The following GATM variants were observed in gnomAD, a reference collection of about 807,000 sequenced individuals.
GATM encodes glycine amidinotransferase, mitochondrial.
Under a neutral mutation model 54.2 loss-of-function variants are expected in GATM, and 23 were observed. That is an observed-to-expected ratio of 0.42 (90% CI 0.31 to 0.60). GATM has a LOEUF of 0.60. Ranked by LOEUF, GATM falls within the 20% of genes least tolerant of loss-of-function variation. GATM has a pLI of 0.14. For synonymous variants in GATM, 168 were observed against 183.1 expected (o/e 0.92, Z 0.67); for missense variants, 401 against 544.9 (o/e 0.74, Z 2.63).
intron 2 of GATM, among the ~76,000 whole-genome samples, chr15:45,373,647 A>G (rs532389026): frequency 3.3e-5 from 5 of 152,270 alleles, no homozygotes; most frequent in Admixed American, 2.0e-4. Context: ...TCTAGTACTT[A>G]TATCTTCCAA....
Position 45,362,013 on chromosome 15 carries a change from A to T in GATM, c.*96T>A, listed in dbSNP as rs1280302485. 6.5e-6 allele frequency: 5 copies of T among 771,142 alleles called. No individual in the cohort carries two copies. Among genetic ancestry groups the T allele is most frequent in the Non-Finnish European group, 1.2e-5 (5 of 428,700 alleles). 47.8% of individuals were successfully genotyped at this position (771,142 alleles called of 1,614,324 possible). On this transcript the variant is annotated 3_prime_UTR_variant, in exon 9 of 9. Transcript: ENST00000396659. ...TGTTAAGGAGATGATTGTTTAAAGC[A>T]CTACAGTTCATGCACTTTTTAAAGC... is the stretch of plus-strand genomic sequence containing the variant.
At chr15:45,402,213 C>A in exon 1 of GATM, 1 of 629,960 alleles carries the variant, frequency 1.6e-6, no homozygotes, top group Admixed American at 3.9e-5. Flanking sequence ...TTAGGCAACT[C>A]GATTTCACGA....
At position 45,369,696 on chromosome 15, in the gene GATM, T is replaced by TA. The variant is rs58836959; in HGVS notation, c.289-176dup. 72,778 of 643,732 alleles carry TA rather than the reference T, an allele frequency of 0.11. 4,574 individuals are homozygous for TA. The highest frequency in any genetic ancestry group is 0.2 in the Middle Eastern group (485 of 2,482). 39.9% of individuals were successfully genotyped at this position (643,732 alleles called of 1,614,324 possible). A position where few individuals can be genotyped will look rare whatever the true frequency, so the allele number is the denominator to read the frequency against. On this transcript the variant is annotated intron_variant, in intron 2 of 8. Transcript: ENST00000396659. ...ATAAGCCCTCTGGGCAGACACTCAG[T>TA]ATCTGTTGAATGAAGAACTCTAAAA...
intron 8 of GATM, among the ~76,000 whole-genome samples, chr15:45,362,925 C>A (rs1382751497): frequency 6.6e-6 from 1 of 152,122 alleles, no homozygotes; most frequent in Non-Finnish European, 1.5e-5. Flanking sequence ...GGAGGATAGG[C>A]TACAAAGTCA....
chr15:45,364,655 C>G, intron 7 of GATM, 142 bp downstream of exon 7: 1 of 744,370 alleles, frequency 1.3e-6, no homozygotes. Flanking sequence ...TTCTGATGCT[C>G]ACAGTCCCAA....
chr15:45,377,039 A>T (rs1486102870), intron 1 of GATM: 1 of 585,304 alleles, frequency 1.7e-6, no homozygotes, highest in Non-Finnish European at 3.1e-6. Context: ...TTATCTATTA[A>T]TTGCTGTAAC....
chr15:45,396,004 A>G (rs1889924371), intron 3 of GATM, among the ~76,000 whole-genome samples: 1 of 152,178 alleles, frequency 6.6e-6, no homozygotes, highest in Non-Finnish European at 1.5e-5. Flanking sequence ...GAAGAGCAAG[A>G]CTCATTTTCT....
chr15:45,374,298 A>G (rs1181657013), intron 2 of GATM, among the ~76,000 whole-genome samples: 1 of 152,208 alleles, frequency 6.6e-6, no homozygotes. Flanking sequence ...GTCATAAATC[A>G]AGTGACAAAG....
At position 45,376,775 on chromosome 15, in the gene GATM, G is replaced by A. The variant is rs1555384721; in HGVS notation, c.114C>T (p.Ser38=). Residue 38 remains serine (S), a synonymous_variant, in exon 2 of 9, where the codon AGC becomes AGT. Transcript: ENST00000396659. ...GGGAGGAAGCCGTAGCTGCCTGGGTGCTCTGGAAAGTTCGCTGCACCCATC... is the reference window on the plus strand; with the variant it reads ...GGGAGGAAGCCGTAGCTGCCTGGGTACTCTGGAAAGTTCGCTGCACCCATC... ...LTGWVQRTFQ[S]TQAATASSRN... 1 of 1,614,170 alleles carries A rather than the reference G, an allele frequency of 6.2e-7. No homozygotes were observed. The highest frequency in any genetic ancestry group is 8.5e-7 in the Non-Finnish European group (1 of 1,180,032).
chr15:45,384,858 A>G (rs1023996018), intron 3 of GATM, among the ~76,000 whole-genome samples: 2 of 152,114 alleles, frequency 1.3e-5, no homozygotes, highest in African/African-American at 4.8e-5. Context: ...ACAGATATGC[A>G]TCACTGCCTG....
intron 3 of GATM, among the ~76,000 whole-genome samples, chr15:45,384,898 A>G (rs925920246): frequency 6.6e-6 from 1 of 152,096 alleles, no homozygotes; most frequent in Admixed American, 6.5e-5. Context: ...TGTAGAGATG[A>G]GGTCATACTA....
At chr15:45,382,106 G>A (rs1889748543), upstream of GATM, among the ~76,000 whole-genome samples, 1 of 152,226 alleles carries the variant, frequency 6.6e-6, no homozygotes, top group African/African-American at 2.4e-5. Flanking sequence ...GGAAGCCTGA[G>A]TGGCCAACCT....
upstream of GATM, among the ~76,000 whole-genome samples, chr15:45,382,522 TGTGTTG>T (rs2140666830): frequency 6.6e-6 from 1 of 150,386 alleles, no homozygotes; most frequent in African/African-American, 2.4e-5. Context: ...ATTAGCCAGG[TGTGTTG>T]GTGCACACCT....
chr15:45,387,708 T>C (rs919212493), intron 3 of GATM, among the ~76,000 whole-genome samples: 4 of 152,242 alleles, frequency 2.6e-5, no homozygotes, highest in African/African-American at 9.6e-5. Context: ...CCCTTGGAAT[T>C]TGTACCTCAC....
intron 2 of GATM, among the ~76,000 whole-genome samples, chr15:45,372,169 A>G (rs1168856227): frequency 6.6e-6 from 1 of 152,212 alleles, no homozygotes; most frequent in African/African-American, 2.4e-5. Context: ...AGGCACATTC[A>G]TTTGTTTACG....
At position 45,364,837 on chromosome 15, in the gene GATM, T is replaced by G; in HGVS notation, c.1002A>C (p.Gly334=). Residue 334 remains glycine (G), a synonymous_variant, in exon 7 of 9, where the codon GGA becomes GGC. Transcript: ENST00000396659. The stretch of plus-strand genomic sequence containing the variant: ...GTGTTGGAGGAGTAATGATAGTCCA[T>G]CCTGCTTTCTTGAAAAGATCAATCT... ...CHQIDLFKKA[G]WTIITPPTPI... is the part of the protein sequence containing the mutation. The G allele has an allele frequency of 6.2e-7, 1 of 1,614,014 alleles. No homozygotes were observed. Among genetic ancestry groups the G allele is most frequent in the Non-Finnish European group, 8.5e-7 (1 of 1,179,944 alleles).
chr15:45,399,905 C>T (rs1159378680), intron 1 of GATM, among the ~76,000 whole-genome samples: 1 of 151,398 alleles, frequency 6.6e-6, no homozygotes, highest in Non-Finnish European at 1.5e-5. Context: ...GCAAAAGAGC[C>T]ACACAACTCC....
At chr15:45,380,806 A>G (rs1889730590), upstream of GATM, among the ~76,000 whole-genome samples, 1 of 152,140 alleles carries the variant, frequency 6.6e-6, no homozygotes, top group South Asian at 2.1e-4. Flanking sequence ...AAGTGTGTGG[A>G]TAGCGCCACC....
At chr15:45,369,563 A>T (rs1889505897) in intron 2 of GATM, 42 bp from the exon 3 acceptor site, 4 of 1,559,524 alleles carry the variant, frequency 2.6e-6, no homozygotes, top group Non-Finnish European at 3.5e-6. Flanking sequence ...ACAGGAGAAA[A>T]ATACAGCTCA....
Sources: gnomAD v4.1 joint callset for allele counts (sites outside exome capture counted in the v4.1 genomes callset) on GRCh38, gnomAD v4.1.1 for gene constraint, MANE v1.5 for transcripts, NCBI Gene and HGNC (gene_info 2026-07-23, HGNC 2026-07-21) for gene names.